Variants in USP13 observed in about 807,000 individuals in gnomAD.
USP13 encodes the protein ubiquitin carboxyl-terminal hydrolase 13.
In USP13, 68 loss-of-function variants were observed where a neutral mutation model predicts 107.8. The observed-to-expected ratio is 0.63, with a 90% CI of 0.52 to 0.77. The LOEUF (loss-of-function observed/expected upper bound fraction) is 0.77, where lower values mean the gene tolerates loss of function less well. USP13 is among the 30% of genes least tolerant of loss of function. The pLI is 0.00. For synonymous variants in USP13, 377 were observed against 389.5 expected (o/e 0.97, Z 0.38); for missense variants, 945 against 1,093.3 (o/e 0.86, Z 1.91).
intron 1 of USP13, among the ~76,000 whole-genome samples, chr3:179,664,698 C>G (rs547295764): frequency 6.6e-6 from 1 of 152,250 alleles, no homozygotes; most frequent in East Asian, 1.9e-4. Context: ...AACAACAGGA[C>G]AATGTAACAA....
chr3:179,655,322 A>G (rs1720218570), intron 1 of USP13, among the ~76,000 whole-genome samples: 2 of 152,160 alleles, frequency 1.3e-5, no homozygotes, highest in Non-Finnish European at 2.9e-5. Flanking sequence ...CATTTCCACA[A>G]ATAGTTATTG....
At chr3:179,755,358 G>A (rs9809484) in intron 15 of USP13, among the ~76,000 whole-genome samples, 8,494 of 151,964 alleles carry the variant, frequency 0.056, 271 homozygotes, top group Middle Eastern at 0.11. Context: ...GCAGTGGCAC[G>A]ATCTCGGCTC....
At chr3:179,700,471 A>T (rs1304200041) in intron 3 of USP13, among the ~76,000 whole-genome samples, 1 of 152,186 alleles carries the variant, frequency 6.6e-6, no homozygotes, top group Non-Finnish European at 1.5e-5. Context: ...AAATGAGAAA[A>T]CTAAGGCTTA....
chr3:179,697,143 C>A (rs1301549186), intron 3 of USP13, among the ~76,000 whole-genome samples: 1 of 151,984 alleles, frequency 6.6e-6, no homozygotes, highest in East Asian at 1.9e-4. Context: ...TTGGCTTAGA[C>A]CAGGTGTTTA....
intron 19 of USP13, among the ~76,000 whole-genome samples, chr3:179,777,261 T>C (rs1715576552): frequency 6.6e-6 from 1 of 152,102 alleles, no homozygotes; most frequent in East Asian, 1.9e-4. Flanking sequence ...TTGTCCTTTC[T>C]CTGTGTCTGT....
chr3:179,659,476 T>C (rs987005013), intron 1 of USP13, among the ~76,000 whole-genome samples: 3 of 152,200 alleles, frequency 2.0e-5, no homozygotes, highest in African/African-American at 7.2e-5. Context: ...AGTCTGTGTG[T>C]TAATAAGCTC....
Position 179,653,366 on chromosome 3 carries a change from C to A in USP13, c.141C>A (p.Asn47Lys), listed in dbSNP as rs2276803. 1.1e-5 allele frequency: 18 copies of A among 1,571,324 alleles called. No individual in the cohort carries two copies. The South Asian group carries it at 2.0e-4, about 17-fold the overall frequency. Residue 47 changes from asparagine to lysine, a missense_variant, in exon 1 of 21, where the codon AAC (asparagine) becomes AAA (lysine). By Grantham distance (94) the Asn-to-Lys change is moderately conservative. Transcript: ENST00000263966. This position sits in a 1 kb window ranked among gnomAD's most constrained non-coding sequence, Gnocchi z 4.0. Reference sequence around the variant, plus strand: ...GGTCCGGCGACAGGGTCTACAAGAACGAGTGCGCCTTCTCCTACGACTCTC... The same window carrying A: ...GGTCCGGCGACAGGGTCTACAAGAAAGAGTGCGCCTTCTCCTACGACTCTC... The part of the protein sequence containing the change: ...VPRSGDRVYK[N>K]ECAFSYDSPN...
At chr3:179,719,688 T>G (rs1486218905) in intron 6 of USP13, among the ~76,000 whole-genome samples, 1 of 152,210 alleles carries the variant, frequency 6.6e-6, no homozygotes, top group African/African-American at 2.4e-5. Flanking sequence ...TTGTTGCTTT[T>G]CTTGTTTTAG....
chr3:179,775,428 A>T (rs887783730), intron 19 of USP13, among the ~76,000 whole-genome samples: 32 of 152,308 alleles, frequency 2.1e-4, no homozygotes, highest in African/African-American at 7.5e-4. Flanking sequence ...CCAAGTCCCC[A>T]CCCGACTCAG....
chr3:179,732,769 C>T (rs1576962023), intron 10 of USP13, among the ~76,000 whole-genome samples: 1 of 152,134 alleles, frequency 6.6e-6, no homozygotes, highest in African/African-American at 2.4e-5. Context: ...CTTATATGAG[C>T]AAGGCACACT....
chr3:179,653,547 A>AG lies in USP13; in HGVS notation c.168+155dup. The AG allele has an allele frequency of 3.8e-6, 4 of 1,065,990 alleles. No homozygotes were observed. The highest frequency in any genetic ancestry group is 5.3e-6 in the Non-Finnish European group (4 of 757,704). The allele number at this position is 1,065,990 out of a possible 1,614,324, so 66.0% of individuals were successfully genotyped here. On this transcript the variant is annotated intron_variant, in intron 1 of 20. Transcript: ENST00000263966. This position sits in a 1 kb window ranked among gnomAD's most constrained non-coding sequence, Gnocchi z 4.0. Reference sequence around the variant, plus strand: ...ACTGCAGTTCGGCAGACACTTAGTGAGCGCCCCAGGGCTGCTGCAGCCGAG... The same window carrying AG: ...ACTGCAGTTCGGCAGACACTTAGTGAGGCGCCCCAGGGCTGCTGCAGCCGAG...
At chr3:179,699,835 T>C (rs1054511972) in intron 3 of USP13, among the ~76,000 whole-genome samples, 2 of 151,880 alleles carry the variant, frequency 1.3e-5, no homozygotes, top group African/African-American at 4.8e-5. Context: ...AGCAGAGCTG[T>C]ACACAAACAT....
chr3:179,772,104 C>T (rs1057118149), intron 19 of USP13, among the ~76,000 whole-genome samples: 2 of 152,160 alleles, frequency 1.3e-5, no homozygotes, highest in Non-Finnish European at 2.9e-5. Context: ...CCTTTATCCC[C>T]GATTGAGTCA....
At chr3:179,669,834 C>T (rs969433151) in intron 1 of USP13, among the ~76,000 whole-genome samples, 2 of 83,628 alleles carry the variant, frequency 2.4e-5, no homozygotes, top group Non-Finnish European at 6.9e-5. Flanking sequence ...TTTTCTTGAC[C>T]CCCCCCTCCA....
rs112358324 is a variant in USP13, at chr3:179,742,985, C to T, written c.1534+635C>T. Among the ~76,000 whole-genome samples, 11 of 152,228 alleles carry T rather than the reference C, an allele frequency of 7.2e-5. No individual in the cohort carries two copies. The highest frequency in any genetic ancestry group is 2.4e-4 in the African/African-American group (10 of 41,544). ...AAATGGCATTTCTTCGAATTAACAT[C>T]GTAGAAGCAAAAAAGACAAAATAGC... On this transcript the variant is annotated intron_variant, in intron 12 of 20. Coordinates refer to ENST00000263966, the MANE Select transcript of USP13 (RefSeq NM_003940.3). The surrounding 1 kb of genome is among the most constrained non-coding windows in gnomAD (Gnocchi z 5.0).
chr3:179,700,893 C>T, intron 3 of USP13, 115 bp from the exon 4 acceptor site: 1 of 1,288,186 alleles, frequency 7.8e-7, no homozygotes, highest in South Asian at 1.5e-5. Flanking sequence ...TTGTAAATGT[C>T]ACACCCTTGG....
chr3:179,754,895 C>T (rs1254312506), intron 15 of USP13, 41 bp downstream of exon 15: 1 of 1,569,032 alleles, frequency 6.4e-7, no homozygotes, highest in Non-Finnish European at 8.6e-7. Flanking sequence ...ACCCTCCCAC[C>T]CTGTTCTATA....
intron 1 of USP13, among the ~76,000 whole-genome samples, chr3:179,666,573 C>G (rs561862985): frequency 6.6e-5 from 10 of 152,236 alleles, no homozygotes; most frequent in African/African-American, 1.9e-4. Context: ...TGGCCACTTC[C>G]CAGGGACTCC....
chr3:179,654,677 T>A (rs555788641), intron 1 of USP13, among the ~76,000 whole-genome samples: 35 of 152,318 alleles, frequency 2.3e-4, no homozygotes, highest in African/African-American at 7.7e-4. Context: ...GAGGCAGGTC[T>A]CGCAATGGTC....
Sources: gnomAD v4.1 joint callset for allele counts (sites outside exome capture counted in the v4.1 genomes callset) on GRCh38, gnomAD v4.1.1 for gene constraint, Gnocchi (gnomAD v3.1) non-coding constraint, MANE v1.5 for transcripts, NCBI Gene and HGNC (gene_info 2026-07-23, HGNC 2026-07-21) for gene names.